Variants in EIF5B observed in about 807,000 individuals in gnomAD.
EIF5B encodes eIF-5B.
In EIF5B, 47 loss-of-function variants were observed where a neutral mutation model predicts 147.5. The ratio of observed to expected loss-of-function variants is 0.32; its 90% CI spans 0.25 to 0.41. The LOEUF (loss-of-function observed/expected upper bound fraction) is 0.41, where lower values mean the gene tolerates loss of function less well. Ranked by LOEUF, EIF5B falls within the 10% of genes least tolerant of loss-of-function variation. The pLI is 1.00. For missense variants in EIF5B, 1,064 were observed against 1,413.2 expected, an observed-to-expected ratio of 0.75 and a Z score of 3.96; for synonymous variants, 455 against 456.2, an observed-to-expected ratio of 1.00 and a Z score of 0.03.
chr2:99,346,644 C>G (rs989515365), intron 1 of EIF5B, among the ~76,000 whole-genome samples: 2 of 119,936 alleles, frequency 1.7e-5, no homozygotes, highest in African/African-American at 6.2e-5. Context: ...AATCTCAGCT[C>G]ACTGCAAGCT....
At chr2:99,365,506 T>G (rs1333378989) in intron 6 of EIF5B, among the ~76,000 whole-genome samples, 1 of 152,190 alleles carries the variant, frequency 6.6e-6, no homozygotes, top group African/African-American at 2.4e-5. Flanking sequence ...AACTTGAATA[T>G]AGTTAGCATT....
intron 9 of EIF5B, among the ~76,000 whole-genome samples, chr2:99,372,061 A>G (rs1212989302): frequency 2.6e-5 from 4 of 152,236 alleles, no homozygotes; most frequent in Admixed American, 6.5e-5. Flanking sequence ...GATAAATACT[A>G]TAGTTCCTGA....
intron 1 of EIF5B, among the ~76,000 whole-genome samples, chr2:99,337,837 G>A: frequency 6.6e-6 from 1 of 152,252 alleles, no homozygotes; most frequent in Non-Finnish European, 1.5e-5. Flanking sequence ...CCTGAGGAGC[G>A]GGGTAGTCAT....
chr2:99,351,638 A>T (rs1673964681), intron 1 of EIF5B, among the ~76,000 whole-genome samples: 1 of 152,058 alleles, frequency 6.6e-6, no homozygotes, highest in African/African-American at 2.4e-5. Flanking sequence ...TATTATTACC[A>T]ATCTTCAATT....
intron 6 of EIF5B, among the ~76,000 whole-genome samples, chr2:99,365,796 T>C (rs563804452): frequency 1.6e-4 from 24 of 152,138 alleles, no homozygotes; most frequent in Admixed American, 1.6e-3. Context: ...AGTTCCCTAT[T>C]GTCTACTAAT....
intron 6 of EIF5B, among the ~76,000 whole-genome samples, chr2:99,368,063 C>T (rs529759139): frequency 6.6e-6 from 1 of 152,312 alleles, no homozygotes; most frequent in Admixed American, 6.5e-5. Flanking sequence ...TTGACATGTG[C>T]AGCAGAGTGA....
chr2:99,371,358 G>A (rs1025619210), intron 8 of EIF5B, among the ~76,000 whole-genome samples: 4 of 151,900 alleles, frequency 2.6e-5, no homozygotes, highest in Non-Finnish European at 5.9e-5. Flanking sequence ...CACGGTGGCG[G>A]GCATCTGTAG....
chr2:99,369,304 A>G (rs1315239049), intron 7 of EIF5B, 88 bp from the exon 8 acceptor site: 2 of 986,138 alleles, frequency 2.0e-6, no homozygotes, highest in Non-Finnish European at 1.5e-6. Context: ...GGTTTACACT[A>G]CTGTTTTTTA....
rs947566118 is a variant in EIF5B, at chr2:99,397,078, A to C, written c.3393+180A>C. 5 of 585,596 alleles carry C rather than the reference A, an allele frequency of 8.5e-6. No individual in the cohort carries two copies. The African/African-American group carries it at 9.6e-5, about 11-fold the overall frequency. The allele number at this position is 585,596 out of a possible 1,614,324, so 36.3% of individuals were successfully genotyped here. On this transcript the variant is annotated intron_variant, in intron 22 of 23. Transcript: ENST00000289371. ...ACCTCAGTAGGAAGAAAATGTGGTAACTTTAAAACAAGCAGAGCCTGTCAC... is the reference window on the plus strand; with the variant it reads ...ACCTCAGTAGGAAGAAAATGTGGTACCTTTAAAACAAGCAGAGCCTGTCAC...
intron 21 of EIF5B, among the ~76,000 whole-genome samples, chr2:99,395,100 CT>C (rs1474255986): frequency 1.3e-5 from 2 of 152,196 alleles, no homozygotes; most frequent in Non-Finnish European, 2.9e-5. Context: ...GTTTAATAAT[CT>C]TGGCAGACTT....
chr2:99,390,617 C>G lies in EIF5B; in HGVS notation c.2660C>G (p.Thr887Arg). 1.2e-6 allele frequency: 2 copies of G among 1,613,208 alleles called. No homozygotes were observed. Among genetic ancestry groups the G allele is most frequent in the Non-Finnish European group, 1.7e-6 (2 of 1,179,322 alleles). ...AATGGGCGTTTGAAGGAAGGAGATA[C>G]AATCATTGTTCCTGGAGTAGAAGGG... ...LINGRLKEGD[T>R]IIVPGVEGPI... The change falls in exon 17 of 24, where the codon ACA (threonine) becomes AGA (arginine). Residue 887 changes from threonine (T) to arginine (R), a missense_variant. By Grantham distance (71) the Thr-to-Arg change is moderately conservative. Around this residue, in one of 4 missense-constraint regions of EIF5B, gnomAD observed 380 missense variants for 715.6 expected, o/e 0.53. Transcript: ENST00000289371.
At chr2:99,355,426 T>C (rs1186556979) in intron 1 of EIF5B, among the ~76,000 whole-genome samples, 1 of 152,162 alleles carries the variant, frequency 6.6e-6, no homozygotes, top group Non-Finnish European at 1.5e-5. Flanking sequence ...CCCATGAACA[T>C]GGCATGTCTC....
chr2:99,340,872 C>G (rs2094257885), intron 1 of EIF5B, among the ~76,000 whole-genome samples: 1 of 152,004 alleles, frequency 6.6e-6, no homozygotes, highest in African/African-American at 2.4e-5. Flanking sequence ...TGGGCTCAAG[C>G]GATTCTCCTG....
In EIF5B at chr2:99,377,828, C is replaced by T. The variant is rs570549669; in HGVS notation, c.1843-1191C>T. On this transcript the variant is annotated intron_variant, in intron 10 of 23. Transcript: ENST00000289371. ...CTTCATGGATCCATAAACCTTGCTACATATTATGATTTTCTGAAATTCACT... is the reference window on the plus strand; with the variant it reads ...CTTCATGGATCCATAAACCTTGCTATATATTATGATTTTCTGAAATTCACT... Among the ~76,000 whole-genome samples, 7 of 152,236 alleles carry T rather than the reference C, an allele frequency of 4.6e-5. No homozygotes were observed. The East Asian group carries it at 1.4e-3, about 29-fold the overall frequency.
At chr2:99,340,610 A>T (rs1271646978) in intron 1 of EIF5B, 2 of 152,216 alleles carry the variant, frequency 1.3e-5, no homozygotes, top group Non-Finnish European at 2.9e-5. Flanking sequence ...TTAACTTCTT[A>T]GCCACTCAGT....
At chr2:99,393,792 T>C (rs1299392066) in intron 18 of EIF5B, among the ~76,000 whole-genome samples, 1 of 152,166 alleles carries the variant, frequency 6.6e-6, no homozygotes, top group Non-Finnish European at 1.5e-5. Context: ...GATAAACTTG[T>C]TTTACTTATT....
intron 8 of EIF5B, 123 bp downstream of exon 8, chr2:99,369,604 C>T: frequency 1.5e-6 from 1 of 645,254 alleles, no homozygotes; most frequent in Non-Finnish European, 2.5e-6. Context: ...GCTGGATGGC[C>T]CTCTTTCTTC....
At chr2:99,380,896 A>G (rs1470028173) in intron 12 of EIF5B, among the ~76,000 whole-genome samples, 2 of 152,198 alleles carry the variant, frequency 1.3e-5, no homozygotes, top group Admixed American at 6.5e-5. Flanking sequence ...TTTATACTGG[A>G]AAGTCATTGG....
rs746250159 is a variant in EIF5B at position 99,401,218 on chromosome 2, A to C, written c.*1804A>C. On this transcript the variant is annotated 3_prime_UTR_variant, in exon 24 of 24. Coordinates refer to ENST00000289371, the MANE Select transcript of EIF5B (RefSeq NM_015904.4). ...AGCACTTATGGCACAGCTATCAGAG[A>C]GCATCAGGCTCTCTGGTAATATTTA... is the stretch of plus-strand genomic sequence containing the variant. 3.5e-6 allele frequency: 5 copies of C among 1,415,582 alleles called. No individual in the cohort carries two copies. Among genetic ancestry groups the C allele is most frequent in the African/African-American group, 1.4e-5 (1 of 71,092 alleles). 87.7% of individuals were successfully genotyped at this position (1,415,582 alleles called of 1,614,324 possible). A position where few individuals can be genotyped will look rare whatever the true frequency, so the allele number is the denominator to read the frequency against.
Sources: allele counts gnomAD v4.1 joint callset (sites outside exome capture counted in the v4.1 genomes callset), GRCh38; gene constraint gnomAD v4.1.1; regional missense constraint gnomAD v4.1.1; transcripts MANE v1.5; gene names NCBI Gene and HGNC (gene_info 2026-07-23, HGNC 2026-07-21).